The following ZNF354A variants were observed in gnomAD, a reference collection of about 807,000 sequenced individuals.
ZNF354A encodes epididymis luminal protein 104.
Under a neutral mutation model 53.3 loss-of-function variants are expected in ZNF354A, and 25 were observed. The ratio of observed to expected loss-of-function variants is 0.47; its 90% CI spans 0.34 to 0.66. The LOEUF is 0.66. Ranked by LOEUF, ZNF354A falls within the 30% of genes least tolerant of loss-of-function variation. The pLI, the probability that ZNF354A is intolerant of heterozygous loss-of-function variation, is 0.01. For missense variants in ZNF354A, 586 were observed against 716.8 expected (o/e 0.82, Z 2.08); for synonymous variants, 228 against 249.0 (o/e 0.92, Z 0.79).
chr5:178,725,773 T>C (rs924170397), intron 3 of ZNF354A, among the ~76,000 whole-genome samples: 1 of 152,168 alleles, frequency 6.6e-6, no homozygotes, highest in Admixed American at 6.5e-5. Flanking sequence ...ACAGACTGAT[T>C]AGAATTTCTA....
intron 1 of ZNF354A, among the ~76,000 whole-genome samples, chr5:178,729,903 C>A (rs981269771): frequency 1.6e-4 from 20 of 123,316 alleles, no homozygotes; most frequent in African/African-American, 5.2e-4. Flanking sequence ...CTCGCTCTGT[C>A]GCTCAGGCTG....
chr5:178,711,736 G>A lies in ZNF354A; in HGVS notation c.*324C>T, dbSNP rs533274183. On this transcript the variant is annotated 3_prime_UTR_variant, in exon 5 of 5. Transcript: ENST00000335815. Reference sequence around the variant, plus strand: ...CTAAAGCACACCTCCCCACCCACTCGGATATCTGTTTCTGATGATCACGTG... The same window carrying A: ...CTAAAGCACACCTCCCCACCCACTCAGATATCTGTTTCTGATGATCACGTG... The A allele has an allele frequency of 3.1e-5, 6 of 195,062 alleles. No individual in the cohort carries two copies. The highest frequency in any genetic ancestry group is 4.2e-5 in the Non-Finnish European group (4 of 94,782). 12.1% of individuals were successfully genotyped at this position (195,062 alleles called of 1,614,324 possible). A position where few individuals can be genotyped will look rare whatever the true frequency, so the allele number is the denominator to read the frequency against.
At chr5:178,723,202 C>G (rs1351495230) in intron 4 of ZNF354A, among the ~76,000 whole-genome samples, 1 of 152,226 alleles carries the variant, frequency 6.6e-6, no homozygotes, top group Non-Finnish European at 1.5e-5. Flanking sequence ...GAGGAGAAAG[C>G]TCTCCCCAGC....
rs762195585 is a variant in ZNF354A, at chr5:178,725,342, T to C, written c.256+34A>G. ...TCCTCTCATTAACCAGACCATTGTC[T>C]GCGGCCATTCCGCACCTCGGGCCAC... is the stretch of plus-strand genomic sequence containing the variant. On this transcript the variant is annotated intron_variant, in intron 4 of 4. Coordinates refer to ENST00000335815, the MANE Select transcript of ZNF354A (RefSeq NM_005649.3). 6.9e-6 allele frequency: 11 copies of C among 1,598,058 alleles called. No individual in the cohort carries two copies. The African/African-American group carries it at 1.5e-4, about 21-fold the overall frequency.
chr5:178,721,453 G>A (rs1386840775), intron 4 of ZNF354A, among the ~76,000 whole-genome samples: 1 of 152,136 alleles, frequency 6.6e-6, no homozygotes, highest in Non-Finnish European at 1.5e-5. Context: ...GGCTATCATT[G>A]ACTGAAACAT....
At chr5:178,725,110 T>C (rs762241446) in intron 4 of ZNF354A, among the ~76,000 whole-genome samples, 64 of 152,224 alleles carry the variant, frequency 4.2e-4, no homozygotes, top group Non-Finnish European at 6.2e-4. Flanking sequence ...GCCAGAGTGA[T>C]TATTTGAAAT....
intron 4 of ZNF354A, 53 bp from the exon 5 acceptor site, chr5:178,713,674 C>A: frequency 1.3e-6 from 2 of 1,491,502 alleles, no homozygotes; most frequent in Non-Finnish European, 1.8e-6. Flanking sequence ...TAGCATCTGA[C>A]TACTGAGACT....
intron 4 of ZNF354A, among the ~76,000 whole-genome samples, chr5:178,719,946 C>CA (rs11327025): frequency 5.7e-4 from 80 of 140,868 alleles, no homozygotes; most frequent in African/African-American, 1.4e-3. Flanking sequence ...GACTCCGTCT[C>CA]AAAAAAAAAA....
In ZNF354A at chr5:178,727,006, G is replaced by C. The variant is rs1167374393; in HGVS notation, c.153C>G (p.Val51=). The C allele has an allele frequency of 6.2e-7, 1 of 1,610,580 alleles. No individual in the cohort carries two copies. Among genetic ancestry groups the C allele is most frequent in the Non-Finnish European group, 8.5e-7 (1 of 1,178,848 alleles). ...DVMLENYRNL[V]SLGLPFTKPK... is the part of the protein sequence containing the mutation. The stretch of plus-strand genomic sequence containing the variant: ...GAGGGAAAATTTCCTTACCCAGTGA[G>C]ACCAGGTTCCTATAGTTCTCCAGCA... The change falls in exon 3 of 5, where the codon GTC becomes GTG. Residue 51 remains valine (V), a synonymous_variant. Transcript: ENST00000335815.
intron 4 of ZNF354A, among the ~76,000 whole-genome samples, chr5:178,720,050 G>A (rs1354854759): frequency 1.3e-5 from 2 of 152,130 alleles, no homozygotes; most frequent in African/African-American, 2.4e-5. Flanking sequence ...AACCATGATG[G>A]GGGTAGTACT....
At chr5:178,721,946 C>G (rs1360098401) in intron 4 of ZNF354A, among the ~76,000 whole-genome samples, 1 of 148,366 alleles carries the variant, frequency 6.7e-6, no homozygotes, top group African/African-American at 2.5e-5. Context: ...CCTCCCTCAG[C>G]CCCCTCATCT....
rs1448981376 is a variant in ZNF354A, at chr5:178,713,325, T to C, written c.553A>G (p.Thr185Ala). The C allele has an allele frequency of 6.2e-7, 1 of 1,614,038 alleles. No individual in the cohort carries two copies. The highest frequency in any genetic ancestry group is 8.5e-7 in the Non-Finnish European group (1 of 1,180,022). ...CCTTGTATTTCACATTTTGGTGGTGTTTTTTCTCTGGGAAGTATCTGTTGC... is the reference window on the plus strand; with the variant it reads ...CCTTGTATTTCACATTTTGGTGGTGCTTTTTCTCTGGGAAGTATCTGTTGC... ...IRQQILPREK[T>A]PPKCEIQGNS... is the part of the protein sequence containing the mutation. The change falls in exon 5 of 5, where the codon ACA (threonine) becomes GCA (alanine). Residue 185 changes from threonine (T) to alanine (A), a missense_variant. By Grantham distance (58) the Thr-to-Ala change is moderately conservative. Transcript: ENST00000335815.
At position 178,712,594 on chromosome 5, in the gene ZNF354A, G is replaced by A. The variant is rs1263555699; in HGVS notation, c.1284C>T (p.His428=). The A allele has an allele frequency of 5.0e-6, 8 of 1,613,966 alleles. No individual in the cohort carries two copies. The highest frequency in any genetic ancestry group is 6.8e-6 in the Non-Finnish European group (8 of 1,180,026). Residue 428 remains histidine, a synonymous_variant, in exon 5 of 5, where the codon CAC becomes CAT. Coordinates refer to ENST00000335815, the MANE Select transcript of ZNF354A (RefSeq NM_005649.3). ...ACTTCTCTCCAGTATGAATGATTCG[G>A]TGTCTATTAAGTCGTGAAATAGAAG... is the stretch of plus-strand genomic sequence containing the variant. ...GFTSISRLNR[H]RIIHTGEKFY...
chr5:178,719,879 G>A (rs569610947), intron 4 of ZNF354A, among the ~76,000 whole-genome samples: 30 of 151,718 alleles, frequency 2.0e-4, no homozygotes, highest in Non-Finnish European at 3.5e-4. Flanking sequence ...CCCGGGAGGC[G>A]GAGCTTGCAG....
chr5:178,713,757 A>G, intron 4 of ZNF354A, 136 bp from the exon 5 acceptor site: 1 of 1,003,182 alleles, frequency 1.0e-6, no homozygotes, highest in Non-Finnish European at 1.4e-6. Flanking sequence ...AAATTGCAAA[A>G]AGAAAAAATA....
rs1766016090 is a variant in ZNF354A at position 178,730,562 on chromosome 5, A to G, written c.-58T>C. Reference sequence around the variant, plus strand: ...GCCTGCCGCCGACGCTCACCTCCCTAAGCTCGAGCGTCCCGGGCCGCGCCT... The same window carrying G: ...GCCTGCCGCCGACGCTCACCTCCCTGAGCTCGAGCGTCCCGGGCCGCGCCT... On this transcript the variant is annotated 5_prime_UTR_variant, in exon 1 of 5. Coordinates refer to ENST00000335815, the MANE Select transcript of ZNF354A (RefSeq NM_005649.3). 1 of 151,692 alleles carries G rather than the reference A, an allele frequency of 6.6e-6. No homozygotes were observed. The highest frequency in any genetic ancestry group is 1.5e-5 in the Non-Finnish European group (1 of 67,900). The allele number at this position is 151,692 out of a possible 1,614,324, so 9.4% of individuals were successfully genotyped here.
At chr5:178,721,222 G>A (rs1047335348) in intron 4 of ZNF354A, among the ~76,000 whole-genome samples, 1 of 151,914 alleles carries the variant, frequency 6.6e-6, no homozygotes, top group African/African-American at 2.4e-5. Context: ...GATACGCGTT[G>A]TTGGCGATGT....
chr5:178,717,417 G>T (rs1350389053), intron 4 of ZNF354A, among the ~76,000 whole-genome samples: 1 of 152,050 alleles, frequency 6.6e-6, no homozygotes. Flanking sequence ...GAAGCTGAGA[G>T]GGAAACAGGA....
intron 4 of ZNF354A, among the ~76,000 whole-genome samples, chr5:178,724,054 C>T (rs1319449663): frequency 6.6e-6 from 1 of 152,072 alleles, no homozygotes; most frequent in Non-Finnish European, 1.5e-5. Context: ...GGTTCCCCAC[C>T]TGACGACTTC....
Sources: allele counts gnomAD v4.1 joint callset (sites outside exome capture counted in the v4.1 genomes callset), GRCh38; gene constraint gnomAD v4.1.1; transcripts MANE v1.5; gene names NCBI Gene and HGNC (gene_info 2026-07-23, HGNC 2026-07-21).